Variants in NAA60 observed in about 807,000 individuals in gnomAD.
The protein encoded by NAA60 is N-alpha-acetyltransferase 60.
NAA60 carries 8 observed loss-of-function variants against 26.1 expected under a neutral mutation model. That is an observed-to-expected ratio of 0.31 (90% CI 0.18 to 0.55). The LOEUF (loss-of-function observed/expected upper bound fraction) is 0.55. NAA60 is among the 20% of genes least tolerant of loss of function. NAA60 has a pLI of 0.93. For missense variants in NAA60, 290 were observed against 311.3 expected, an observed-to-expected ratio of 0.93 and a Z score of 0.51; for synonymous variants, 131 against 122.5, an observed-to-expected ratio of 1.07 and a Z score of -0.46.
At chr16:3,479,908 CCT>C (rs1342538197) in intron 4 of NAA60, among the ~76,000 whole-genome samples, 12 of 152,184 alleles carry the variant, frequency 7.9e-5, no homozygotes, top group Non-Finnish European at 2.9e-5. Context: ...TGAAAATACC[CCT>C]GATTTGTGTT....
intron 4 of NAA60, among the ~76,000 whole-genome samples, chr16:3,482,046 C>G (rs532774289): frequency 1.3e-5 from 2 of 152,260 alleles, no homozygotes; most frequent in East Asian, 3.9e-4. Flanking sequence ...AAGTCTCACT[C>G]CTCCAAGATC....
chr16:3,445,202 T>G (rs1199389535), intron 1 of NAA60, among the ~76,000 whole-genome samples: 2 of 151,988 alleles, frequency 1.3e-5, no homozygotes, highest in African/African-American at 2.4e-5. Flanking sequence ...AAGGTGTAAG[T>G]AAAGGAGATG....
At chr16:3,452,582 G>T (rs560837226) in intron 2 of NAA60, among the ~76,000 whole-genome samples, 6 of 152,042 alleles carry the variant, frequency 3.9e-5, no homozygotes, top group Non-Finnish European at 8.8e-5. Flanking sequence ...CTTGAGCCCA[G>T]GAGGCAGAAG....
Position 3,445,939 on chromosome 16 carries a change from T to C in NAA60, c.-77+2102T>C, listed in dbSNP as rs374328500. ...ATACAAAGTCCAAGATAGACCAAGA[T>C]TGAAAAATTAGACCACATTATATCC... On this transcript the variant is annotated intron_variant, in intron 1 of 7. Transcript: ENST00000407558. 1.2e-4 allele frequency among the ~76,000 whole-genome samples: 18 copies of C among 152,248 alleles called. No homozygotes were observed. The South Asian group carries it at 3.3e-3, about 28-fold the overall frequency.
At chr16:3,463,697 T>C (rs894269036) in intron 2 of NAA60, among the ~76,000 whole-genome samples, 3 of 144,728 alleles carry the variant, frequency 2.1e-5, no homozygotes, top group Non-Finnish European at 4.6e-5. Context: ...AGACCCAGTC[T>C]CTACTTAAAA....
At chr16:3,486,960 C>G (rs983981455), downstream of NAA60, 1 of 152,526 alleles carries the variant, frequency 6.6e-6, no homozygotes, top group African/African-American at 2.4e-5. Flanking sequence ...TGGAGTTCGT[C>G]ACATCCTGTT....
rs1453910019 is a variant in NAA60, at chr16:3,483,468, A to T, written c.443A>T (p.Asn148Ile). Reference protein sequence around the residue: ...HVLTTNNTAINFYENRDFKQH... With the variant: ...HVLTTNNTAIIFYENRDFKQH... ...CTCACCACCAACAACACAGCAATAA[A>T]CTTCTATGAAAACAGAGACTTCAAG... Residue 148 changes from asparagine (N) to isoleucine (I), a missense_variant, in exon 6 of 8, where the codon AAC (asparagine) becomes ATC (isoleucine). Physicochemically the swap from Asn to Ile is moderately radical, Grantham distance 149 (BLOSUM62 -3). Coordinates refer to ENST00000407558, the MANE Select transcript of NAA60 (RefSeq NM_001083601.3). 2 of 1,613,816 alleles carry T rather than the reference A, an allele frequency of 1.2e-6. No homozygotes were observed. The highest frequency in any genetic ancestry group is 1.7e-6 in the Non-Finnish European group (2 of 1,179,874).
At chr16:3,484,344 T>C (rs768954409) in intron 6 of NAA60, among the ~76,000 whole-genome samples, 8 of 152,186 alleles carry the variant, frequency 5.3e-5, no homozygotes, top group Non-Finnish European at 1.0e-4. Flanking sequence ...TGGACAGGGC[T>C]CTGTCCCTCT....
In NAA60 at chr16:3,455,393, T is replaced by G. The variant is rs1453531850; in HGVS notation, c.-7+6853T>G. Reference sequence around the variant, plus strand: ...GCCAAAAAAGAGTTTTTAGTTTTTTTTTTTTTTTTTTTTTTGAGACGGAGT... The same window carrying G: ...GCCAAAAAAGAGTTTTTAGTTTTTTGTTTTTTTTTTTTTTTGAGACGGAGT... On this transcript the variant is annotated intron_variant, in intron 2 of 7. Coordinates refer to ENST00000407558, the MANE Select transcript of NAA60 (RefSeq NM_001083601.3). 6.9e-5 allele frequency among the ~76,000 whole-genome samples: 10 copies of G among 143,970 alleles called. No homozygotes were observed. The East Asian group carries it at 8.0e-4, about 12-fold the overall frequency. The allele number at this position is 143,970 out of a possible 152,430, so 94.4% of individuals were successfully genotyped here.
chr16:3,458,417 C>T (rs1179864553), intron 2 of NAA60, among the ~76,000 whole-genome samples: 1 of 152,064 alleles, frequency 6.6e-6, no homozygotes, highest in Non-Finnish European at 1.5e-5. Context: ...GAGGAGGTCG[C>T]GGCTCTCATG....
At chr16:3,476,184 G>T (rs1455539889) in intron 2 of NAA60, 38 bp from the exon 3 acceptor site, 37 of 1,497,998 alleles carry the variant, frequency 2.5e-5, no homozygotes, top group Non-Finnish European at 3.3e-5. Context: ...GGAAGACCAG[G>T]CTGTGAGGTG....
chr16:3,476,204 C>T lies in NAA60; in HGVS notation c.-6-18C>T. The stretch of plus-strand genomic sequence containing the variant: ...ACCAGGCTGTGAGGTGACGCGTCCC[C>T]CCCACCCTTCCCCACAGGTGTGAAT... On this transcript the variant is annotated intron_variant, in intron 2 of 7. Coordinates refer to ENST00000407558, the MANE Select transcript of NAA60 (RefSeq NM_001083601.3). 6.4e-7 allele frequency: 1 copy of T among 1,562,726 alleles called. No individual in the cohort carries two copies. The highest frequency in any genetic ancestry group is 8.8e-7 in the Non-Finnish European group (1 of 1,139,412).
intron 6 of NAA60, chr16:3,483,829 A>C: frequency 1.9e-6 from 1 of 532,758 alleles, no homozygotes; most frequent in Non-Finnish European, 3.3e-6. Flanking sequence ...CTAAGCTCAA[A>C]TGATCCGCCT....
intron 2 of NAA60, among the ~76,000 whole-genome samples, chr16:3,468,435 CA>C (rs1373297525): frequency 2.0e-5 from 3 of 152,212 alleles, no homozygotes; most frequent in Admixed American, 2.0e-4. Context: ...TGATGTTGAT[CA>C]GGGGGCTCAG....
At position 3,484,810 on chromosome 16, in the gene NAA60, G is replaced by C. The variant is rs762400095; in HGVS notation, c.684G>C (p.Ser228=). The C allele has an allele frequency of 6.3e-7, 1 of 1,575,010 alleles. No homozygotes were observed. Among genetic ancestry groups the C allele is most frequent in the Non-Finnish European group, 8.6e-7 (1 of 1,161,250 alleles). Reference sequence around the variant, plus strand: ...TGCTCTGCAGCTTCCTGCCATGGTCGGGCATCTCTTCCAAGAGTGGCATCG... The same window carrying C: ...TGCTCTGCAGCTTCCTGCCATGGTCCGGCATCTCTTCCAAGAGTGGCATCG... ...HSLLCSFLPW[S]GISSKSGIEY... is the part of the protein sequence containing the mutation. Residue 228 remains serine, a synonymous_variant, in exon 7 of 8, where the codon TCG becomes TCC. Coordinates refer to ENST00000407558, the MANE Select transcript of NAA60 (RefSeq NM_001083601.3).
intron 2 of NAA60, among the ~76,000 whole-genome samples, chr16:3,464,160 A>G (rs955503339): frequency 6.6e-6 from 1 of 152,132 alleles, no homozygotes; most frequent in Admixed American, 6.5e-5. Context: ...CAGCCTCCCA[A>G]GTAGCTGGGA....
chr16:3,461,706 G>T (rs913632978), intron 2 of NAA60, among the ~76,000 whole-genome samples: 3 of 152,108 alleles, frequency 2.0e-5, no homozygotes, highest in African/African-American at 7.2e-5. Context: ...AAGAGGAGGT[G>T]GTTGTGGACA....
chr16:3,447,688 T>A, intron 1 of NAA60: 1 of 962,956 alleles, frequency 1.0e-6, no homozygotes, highest in Non-Finnish European at 1.2e-6. Context: ...AATGCTTGAT[T>A]GAGCAGTTAG....
intron 1 of NAA60, 154 bp downstream of exon 1, chr16:3,443,991 T>C: frequency 7.5e-7 from 1 of 1,341,420 alleles, no homozygotes; most frequent in Non-Finnish European, 9.6e-7. Context: ...GGAGTATCTT[T>C]GTGTACGTTC....
Sources: allele counts gnomAD v4.1 joint callset (sites outside exome capture counted in the v4.1 genomes callset), GRCh38; gene constraint gnomAD v4.1.1; transcripts MANE v1.5; gene names NCBI Gene and HGNC (gene_info 2026-07-23, HGNC 2026-07-21).